The following ADARB2 variants were observed in gnomAD, a reference collection of about 807,000 sequenced individuals.
The protein encoded by ADARB2 is adenosine deaminase RNA specific B2 (inactive), also known as inactive double-stranded RNA-specific editase B2.
Under a neutral mutation model 62.2 loss-of-function variants are expected in ADARB2, and 25 were observed. The observed-to-expected ratio is 0.40, with a 90% confidence interval of 0.29 to 0.56. ADARB2 has a LOEUF of 0.56. ADARB2 is among the 20% of genes least tolerant of loss of function. The pLI, the probability that ADARB2 is intolerant of heterozygous loss-of-function variation, is 0.43. For missense variants in ADARB2, 1,071 were observed against 1,077.4 expected (o/e 0.99, Z 0.08); for synonymous variants, 572 against 500.8 (o/e 1.14, Z -1.90).
At chr10:1,362,995 G>A in intron 3 of ADARB2, 33 bp downstream of exon 3, 1 of 1,293,776 alleles carries the variant, frequency 7.7e-7, no homozygotes, top group East Asian at 3.1e-5. Flanking sequence ...CCCCAGCGCC[G>A]CCCGTTCCCC....
intron 1 of ADARB2, among the ~76,000 whole-genome samples, chr10:1,616,752 A>T (rs1484230851): frequency 1.6e-5 from 2 of 127,676 alleles, no homozygotes; most frequent in Non-Finnish European, 1.7e-5. Flanking sequence ...GACACACTCC[A>T]CACTGCCCTG....
At chr10:1,216,179 C>T (rs905515191) in intron 7 of ADARB2, 20 of 140,660 alleles carry the variant, frequency 1.4e-4, no homozygotes, top group African/African-American at 5.4e-4. Flanking sequence ...GGGCATCAGA[C>T]TGAGGTTGGG....
intron 1 of ADARB2, among the ~76,000 whole-genome samples, chr10:1,624,940 C>A (rs866050692): frequency 8.5e-5 from 13 of 152,204 alleles, no homozygotes; most frequent in Middle Eastern, 6.8e-3. Context: ...GCAGGTGAAT[C>A]ATGAAAACCA....
intron 3 of ADARB2, among the ~76,000 whole-genome samples, chr10:1,288,986 C>A (rs1360655630): frequency 3.3e-5 from 5 of 152,156 alleles, no homozygotes; most frequent in Non-Finnish European, 7.3e-5. Context: ...GGGGGTCGGA[C>A]ATGCCTCATG....
intron 1 of ADARB2, among the ~76,000 whole-genome samples, chr10:1,461,843 T>C (rs1481643160): frequency 6.6e-6 from 1 of 151,870 alleles, no homozygotes; most frequent in Non-Finnish European, 1.5e-5. Context: ...CTACTAAAAA[T>C]ATGAAAAAAT....
At chr10:1,619,704 C>G (rs1161350140) in intron 1 of ADARB2, among the ~76,000 whole-genome samples, 1 of 152,150 alleles carries the variant, frequency 6.6e-6, no homozygotes, top group Non-Finnish European at 1.5e-5. Context: ...CCCATATTGG[C>G]CTCCCAAAGT....
At chr10:1,254,415 T>C (rs975698704) in intron 4 of ADARB2, among the ~76,000 whole-genome samples, 3 of 152,238 alleles carry the variant, frequency 2.0e-5, no homozygotes, top group Non-Finnish European at 2.9e-5. Flanking sequence ...GCTCTCTGCA[T>C]AAAAGATGTC....
chr10:1,287,187 C>A (rs1242351606), intron 3 of ADARB2, among the ~76,000 whole-genome samples: 1 of 152,022 alleles, frequency 6.6e-6, no homozygotes. Flanking sequence ...AGGATGGTCC[C>A]CTTAAAAGAA....
chr10:1,616,376 C>A lies in ADARB2; in HGVS notation c.100+120675G>T, dbSNP rs564183861. On this transcript the variant is annotated intron_variant, in intron 1 of 9. Transcript: ENST00000381312. ...CTAGATGTCTGTGTGCCCCTCCAGA[C>A]ACACTCTACCCTGAGCTGCTGAGCT... 1.3e-3 allele frequency among the ~76,000 whole-genome samples: 192 copies of A among 152,372 alleles called. 2 individuals carry two copies. The highest frequency in any genetic ancestry group is 4.2e-3 in the African/African-American group (176 of 41,584).
intron 1 of ADARB2, among the ~76,000 whole-genome samples, chr10:1,476,983 C>T (rs1340663951): frequency 1.3e-5 from 2 of 152,152 alleles, no homozygotes; most frequent in Non-Finnish European, 2.9e-5. Context: ...CTGGGCTGCC[C>T]ACGGGTTCCG....
In ADARB2 at chr10:1,409,570, T is replaced by C. The variant is rs540725701; in HGVS notation, c.101-30410A>G. On this transcript the variant is annotated intron_variant, in intron 1 of 9. Transcript: ENST00000381312. ...TGGTGCCGAGGCCTGGCCGTGGTCA[T>C]AGGGAAGGATTCTCAGTGTGCCGAG... Among the ~76,000 whole-genome samples the C allele has an allele frequency of 3.5e-4, 51 of 143,862 alleles. 1 individual carries two copies. The East Asian group carries it at 8.6e-3, about 24-fold the overall frequency. 94.4% of individuals were successfully genotyped at this position (143,862 alleles called of 152,430 possible). A position where few individuals can be genotyped will look rare whatever the true frequency, so the allele number is the denominator to read the frequency against.
intron 1 of ADARB2, among the ~76,000 whole-genome samples, chr10:1,693,051 G>A (rs1345427143): frequency 6.6e-6 from 1 of 152,198 alleles, no homozygotes; most frequent in African/African-American, 2.4e-5. Flanking sequence ...CCAGAAGGAA[G>A]GATTTGATGT....
intron 1 of ADARB2, among the ~76,000 whole-genome samples, chr10:1,596,055 A>G (rs750538420): frequency 2.0e-5 from 3 of 152,220 alleles, no homozygotes; most frequent in Non-Finnish European, 4.4e-5. Flanking sequence ...TGTTCACAGA[A>G]AGAGTGAAGG....
intron 8 of ADARB2, chr10:1,186,557 C>T: frequency 3.9e-6 from 2 of 519,082 alleles, no homozygotes; most frequent in Non-Finnish European, 7.7e-6. Flanking sequence ...TTCATGCCTC[C>T]TCGCAGATCA....
At chr10:1,463,401 G>A (rs1408723309) in intron 1 of ADARB2, among the ~76,000 whole-genome samples, 4 of 152,182 alleles carry the variant, frequency 2.6e-5, no homozygotes, top group Admixed American at 1.3e-4. Context: ...AAAGAGGAGC[G>A]TGTCCTGGTC....
chr10:1,271,878 G>A (rs2131799426), intron 3 of ADARB2, among the ~76,000 whole-genome samples: 1 of 152,354 alleles, frequency 6.6e-6, no homozygotes, highest in East Asian at 1.9e-4. Context: ...TTGGAGTAGG[G>A]AAGCCTGGTT....
chr10:1,633,955 C>A lies in ADARB2; in HGVS notation c.100+103096G>T, dbSNP rs112859251. 5.8e-3 allele frequency among the ~76,000 whole-genome samples: 888 copies of A among 152,318 alleles called. 3 individuals are homozygous for A. Among genetic ancestry groups the A allele is most frequent in the Non-Finnish European group, 9.3e-3 (635 of 68,030 alleles). On this transcript the variant is annotated intron_variant, in intron 1 of 9. Transcript: ENST00000381312. ...GCCATCCTACATGGCACCTCACGAG[C>A]CCCATGGAGCTCCTTGCCAGCACAG... is the stretch of plus-strand genomic sequence containing the variant.
chr10:1,381,477 G>A (rs141670421), intron 1 of ADARB2, among the ~76,000 whole-genome samples: 120 of 152,352 alleles, frequency 7.9e-4, no homozygotes, highest in African/African-American at 2.7e-3. Flanking sequence ...TGGGGGAACT[G>A]GCAGTTCTGC....
intron 1 of ADARB2, among the ~76,000 whole-genome samples, chr10:1,698,736 A>G (rs939142086): frequency 2.6e-5 from 4 of 152,174 alleles, no homozygotes; most frequent in African/African-American, 9.7e-5. Context: ...GAAAGAGTTG[A>G]AGGGGCAAAT....
Sources: gnomAD v4.1 joint callset for allele counts (sites outside exome capture counted in the v4.1 genomes callset) on GRCh38, gnomAD v4.1.1 for gene constraint, MANE v1.5 for transcripts, NCBI Gene and HGNC (gene_info 2026-07-23, HGNC 2026-07-21) for gene names.